Variants in CALD1 observed in about 807,000 individuals in gnomAD.
CALD1 encodes caldesmon 1.
CALD1 carries 33 observed loss-of-function variants against 99.9 expected under a neutral mutation model. That is an observed-to-expected ratio of 0.33 (90% CI 0.25 to 0.44). The LOEUF is 0.44. Ranked by LOEUF, CALD1 falls within the 20% of genes least tolerant of loss-of-function variation. The pLI is 1.00. For missense variants in CALD1, 861 were observed against 962.1 expected (o/e 0.89, Z 1.39); for synonymous variants, 310 against 325.0 (o/e 0.95, Z 0.50).
chr7:134,773,774 C>A (rs957030036), intron 1 of CALD1, among the ~76,000 whole-genome samples: 1 of 145,240 alleles, frequency 6.9e-6, no homozygotes, highest in Non-Finnish European at 1.5e-5. Flanking sequence ...TCCTACCCAA[C>A]CTCTCTTCTG....
intron 1 of CALD1, among the ~76,000 whole-genome samples, chr7:134,770,123 G>T (rs1476844099): frequency 1.3e-5 from 2 of 151,870 alleles, no homozygotes; most frequent in Non-Finnish European, 2.9e-5. Flanking sequence ...TTTGTAAAAA[G>T]AAAAAATGCT....
intron 3 of CALD1, among the ~76,000 whole-genome samples, chr7:134,912,681 CT>C (rs1399206775): frequency 3.3e-5 from 5 of 152,138 alleles, no homozygotes; most frequent in African/African-American, 1.2e-4. Flanking sequence ...ACTATCATAT[CT>C]TCATACTCCA....
At chr7:134,887,680 G>A (rs969881576) in intron 3 of CALD1, among the ~76,000 whole-genome samples, 5 of 149,952 alleles carry the variant, frequency 3.3e-5, no homozygotes, top group African/African-American at 1.2e-4. Flanking sequence ...ATGCATGCAT[G>A]TGTGTGTATG....
At chr7:134,967,901 T>C (rs1164009073) in intron 14 of CALD1, among the ~76,000 whole-genome samples, 1 of 152,170 alleles carries the variant, frequency 6.6e-6, no homozygotes, top group Non-Finnish European at 1.5e-5. Context: ...TCCAACACTT[T>C]GGGAGGCCGA....
chr7:134,744,276 G>A (rs942087067), exon 1 of CALD1: 4 of 152,194 alleles, frequency 2.6e-5, no homozygotes, highest in Non-Finnish European at 5.9e-5. Context: ...TCTCAGGCCT[G>A]AAATCTTTTG....
At chr7:134,901,386 G>T (rs1372106168) in intron 3 of CALD1, among the ~76,000 whole-genome samples, 1 of 152,006 alleles carries the variant, frequency 6.6e-6, no homozygotes, top group African/African-American at 2.4e-5. Flanking sequence ...ATGTAAAGTG[G>T]CTAGCACAGT....
At chr7:134,951,377 C>T (rs1584657078) in intron 9 of CALD1, among the ~76,000 whole-genome samples, 1 of 152,336 alleles carries the variant, frequency 6.6e-6, no homozygotes, top group East Asian at 1.9e-4. Context: ...GATTATCTCT[C>T]AATTTTACTG....
At chr7:134,854,715 G>A (rs574376289) in intron 2 of CALD1, among the ~76,000 whole-genome samples, 37 of 152,128 alleles carry the variant, frequency 2.4e-4, no homozygotes, top group Non-Finnish European at 4.1e-4. Context: ...CCCCTCAAAT[G>A]AGTAACTCAT....
At chr7:134,809,086 C>G (rs1227734876) in intron 1 of CALD1, among the ~76,000 whole-genome samples, 1 of 152,108 alleles carries the variant, frequency 6.6e-6, no homozygotes, top group Non-Finnish European at 1.5e-5. Context: ...GGCTAGAATC[C>G]ATGAGGATTT....
chr7:134,966,872 C>T (rs1023533602), intron 14 of CALD1, among the ~76,000 whole-genome samples: 1 of 152,022 alleles, frequency 6.6e-6, no homozygotes, highest in Non-Finnish European at 1.5e-5. Flanking sequence ...GTTTGTCAGC[C>T]ATGCAATGTA....
At chr7:134,959,621 G>A (rs2232891) in intron 11 of CALD1, among the ~76,000 whole-genome samples, 4 of 152,070 alleles carry the variant, frequency 2.6e-5, no homozygotes, top group Non-Finnish European at 5.9e-5. Flanking sequence ...AGTGAGCCTT[G>A]ATTGTGCCAC....
intron 3 of CALD1, among the ~76,000 whole-genome samples, chr7:134,892,258 T>A (rs1802255161): frequency 6.6e-6 from 1 of 152,200 alleles, no homozygotes; most frequent in Non-Finnish European, 1.5e-5. Flanking sequence ...CTTTAGACTC[T>A]TTGGTGCAAT....
intron 1 of CALD1, among the ~76,000 whole-genome samples, chr7:134,746,567 T>C (rs58219011): frequency 0.044 from 6,701 of 152,118 alleles, 455 homozygotes; most frequent in African/African-American, 0.14. Flanking sequence ...TTGAGGTGCA[T>C]GCTAGAAAAA....
intron 4 of CALD1, among the ~76,000 whole-genome samples, chr7:134,929,780 C>T (rs1805390922): frequency 6.8e-6 from 1 of 147,540 alleles, no homozygotes; most frequent in Admixed American, 6.8e-5. Context: ...GTATATTTTG[C>T]ATATAATGAC....
intron 3 of CALD1, among the ~76,000 whole-genome samples, chr7:134,887,740 G>A (rs1005034619): frequency 7.9e-5 from 8 of 100,858 alleles, no homozygotes; most frequent in Non-Finnish European, 1.6e-4. Flanking sequence ...GTTTGCCTGT[G>A]TGTGCATGTG....
intron 9 of CALD1, among the ~76,000 whole-genome samples, chr7:134,952,057 T>C (rs894051844): frequency 2.6e-5 from 4 of 152,140 alleles, no homozygotes; most frequent in Non-Finnish European, 5.9e-5. Flanking sequence ...TCCCAGCATT[T>C]TGGGAGGCCG....
At chr7:134,814,325 T>C (rs1424718726) in intron 1 of CALD1, among the ~76,000 whole-genome samples, 1 of 152,106 alleles carries the variant, frequency 6.6e-6, no homozygotes. Context: ...TCCAGAGAAA[T>C]CAGAAAGGGG....
chr7:134,957,822 CTTGAT>C (rs916479822), intron 9 of CALD1, among the ~76,000 whole-genome samples: 6 of 150,248 alleles, frequency 4.0e-5, no homozygotes, highest in African/African-American at 1.5e-4. Flanking sequence ...GCCTTGAAAA[CTTGAT>C]TTTTTTTTTT....
At chr7:134,815,602 C>G (rs186943631) in intron 1 of CALD1, among the ~76,000 whole-genome samples, 1 of 152,152 alleles carries the variant, frequency 6.6e-6, no homozygotes, top group Admixed American at 6.5e-5. Flanking sequence ...CCCTCTAAAC[C>G]ATTTCTCATG....
Sources: allele counts gnomAD v4.1 joint callset (sites outside exome capture counted in the v4.1 genomes callset), GRCh38; gene constraint gnomAD v4.1.1; transcripts MANE v1.5; gene names NCBI Gene and HGNC (gene_info 2026-07-23, HGNC 2026-07-21).